Variants in LPCAT2 observed in about 807,000 individuals in gnomAD.
LPCAT2 encodes 1-AGP acyltransferase 11.
A neutral mutation model predicts 64.7 loss-of-function variants in LPCAT2; 58 were observed. The observed-to-expected ratio is 0.90, with a 90% CI of 0.73 to 1.12. The LOEUF is 1.12. LPCAT2 is among the 50% of genes most tolerant of loss of function. LPCAT2 has a pLI of 0.00. For synonymous variants in LPCAT2, 252 were observed against 245.3 expected, an observed-to-expected ratio of 1.03 and a Z score of -0.26; for missense variants, 579 against 669.8, an observed-to-expected ratio of 0.86 and a Z score of 1.50.
chr16:55,524,284 G>T (rs1963137963), intron 1 of LPCAT2, among the ~76,000 whole-genome samples: 1 of 151,842 alleles, frequency 6.6e-6, no homozygotes, highest in Non-Finnish European at 1.5e-5. Flanking sequence ...AAAAAACATA[G>T]TGGAATAAAA....
intron 11 of LPCAT2, among the ~76,000 whole-genome samples, chr16:55,557,456 G>C (rs1304629238): frequency 6.6e-6 from 1 of 152,132 alleles, no homozygotes; most frequent in Non-Finnish European, 1.5e-5. Context: ...ATTTAGCAGA[G>C]GGAAGTTTGA....
chr16:55,515,924 A>G (rs1395087576), intron 1 of LPCAT2, among the ~76,000 whole-genome samples: 1 of 152,240 alleles, frequency 6.6e-6, no homozygotes, highest in African/African-American at 2.4e-5. Flanking sequence ...GCAACAATGT[A>G]GACATAGAGA....
intron 4 of LPCAT2, among the ~76,000 whole-genome samples, chr16:55,530,499 G>T (rs866830805): frequency 1.3e-5 from 2 of 151,016 alleles, no homozygotes; most frequent in Non-Finnish European, 2.9e-5. Flanking sequence ...GGGTGGGGGG[G>T]GGGTAACATT....
intron 11 of LPCAT2, among the ~76,000 whole-genome samples, chr16:55,558,997 T>C (rs1963606337): frequency 6.6e-6 from 1 of 152,166 alleles, no homozygotes; most frequent in Non-Finnish European, 1.5e-5. Flanking sequence ...TATTGACTAA[T>C]CTGTCTAGCT....
chr16:55,570,510 C>A (rs543782367), intron 11 of LPCAT2, among the ~76,000 whole-genome samples: 47 of 152,216 alleles, frequency 3.1e-4, no homozygotes, highest in African/African-American at 1.1e-3. Context: ...TGGCGCACAC[C>A]TGTAGTCCCT....
At chr16:55,580,916 G>A (rs1963881700) in intron 13 of LPCAT2, among the ~76,000 whole-genome samples, 1 of 152,192 alleles carries the variant, frequency 6.6e-6, no homozygotes, top group Non-Finnish European at 1.5e-5. Flanking sequence ...ATGATCTGAG[G>A]TTGAACAGTT....
chr16:55,566,920 A>G, intron 11 of LPCAT2: 2 of 1,613,860 alleles, frequency 1.2e-6, no homozygotes, highest in South Asian at 2.2e-5. Context: ...GCAGCAGCTC[A>G]GTATACTCCA....
intron 7 of LPCAT2, among the ~76,000 whole-genome samples, chr16:55,535,514 G>A (rs934083137): frequency 2.0e-5 from 3 of 152,142 alleles, no homozygotes; most frequent in South Asian, 2.1e-4. Flanking sequence ...CACAAATAAC[G>A]CCAAACATAA....
rs1259153581 is a variant in LPCAT2, at chr16:55,585,043, A to T, written c.*1945A>T. 1.3e-5 allele frequency: 2 copies of T among 152,176 alleles called. No homozygotes were observed. The highest frequency in any genetic ancestry group is 4.8e-5 in the African/African-American group (2 of 41,454). 9.4% of individuals were successfully genotyped at this position (152,176 alleles called of 1,614,324 possible). On this transcript the variant is annotated 3_prime_UTR_variant, in exon 14 of 14. Coordinates refer to ENST00000262134, the MANE Select transcript of LPCAT2 (RefSeq NM_017839.5). ...CATTGTAAATTAAAGGTTTTCTTTG[A>T]GGCTCTTGAAAGTGATCCCATTGCT...
chr16:55,547,913 G>A (rs946115026), intron 9 of LPCAT2, among the ~76,000 whole-genome samples: 9 of 152,072 alleles, frequency 5.9e-5, no homozygotes, highest in South Asian at 2.1e-4. Flanking sequence ...GATTACAGGC[G>A]CCCACCATCA....
In LPCAT2 at chr16:55,523,199, G is replaced by A. The variant is rs1331113882; in HGVS notation, c.172-2309G>A. 3.3e-5 allele frequency among the ~76,000 whole-genome samples: 5 copies of A among 151,748 alleles called. No homozygotes were observed. The East Asian group carries it at 9.6e-4, about 29-fold the overall frequency. Reference sequence around the variant, plus strand: ...AATGACCAATAAGTATATGAAAAATGTGTTCAACATTATTGTTCATCAAGG... The same window carrying A: ...AATGACCAATAAGTATATGAAAAATATGTTCAACATTATTGTTCATCAAGG... On this transcript the variant is annotated intron_variant, in intron 1 of 13. Coordinates refer to ENST00000262134, the MANE Select transcript of LPCAT2 (RefSeq NM_017839.5).
chr16:55,528,697 A>G (rs1330025365), intron 3 of LPCAT2, 103 bp downstream of exon 3: 2 of 849,434 alleles, frequency 2.4e-6, no homozygotes, highest in Non-Finnish European at 1.8e-6. Context: ...AAAGTTTAAA[A>G]TAAACATTTC....
At chr16:55,527,046 A>G (rs1262040747) in intron 2 of LPCAT2, among the ~76,000 whole-genome samples, 2 of 152,126 alleles carry the variant, frequency 1.3e-5, no homozygotes, top group African/African-American at 4.8e-5. Flanking sequence ...ATATCATTAC[A>G]TGAGTAGAAA....
intron 3 of LPCAT2, among the ~76,000 whole-genome samples, chr16:55,529,402 C>T (rs1429737079): frequency 4.6e-5 from 7 of 151,708 alleles, no homozygotes; most frequent in Non-Finnish European, 7.4e-5. Context: ...GTTGATTTTT[C>T]GTGTGTTAGG....
intron 6 of LPCAT2, 120 bp from the exon 7 acceptor site, chr16:55,534,323 T>G (rs1963296232): frequency 3.0e-6 from 2 of 670,370 alleles, no homozygotes; most frequent in Admixed American, 2.3e-5. Context: ...TTATTTTACT[T>G]CTCAACATGT....
At chr16:55,572,586 T>C (rs1203341021) in intron 11 of LPCAT2, among the ~76,000 whole-genome samples, 2 of 149,678 alleles carry the variant, frequency 1.3e-5, no homozygotes, top group African/African-American at 4.9e-5. Flanking sequence ...TTTAATACTC[T>C]GCCTTCTCTG....
chr16:55,567,359 T>C (rs371057563), intron 11 of LPCAT2: 18 of 1,613,536 alleles, frequency 1.1e-5, no homozygotes, highest in Non-Finnish European at 1.5e-5. Flanking sequence ...CTAATGAAGA[T>C]GGAGATATGG....
chr16:55,568,333 G>A (rs145499113), intron 11 of LPCAT2, among the ~76,000 whole-genome samples: 87 of 152,286 alleles, frequency 5.7e-4, no homozygotes, highest in African/African-American at 2.0e-3. Context: ...AGCTCTTGTC[G>A]TGTCTTGTCC....
intron 8 of LPCAT2, among the ~76,000 whole-genome samples, chr16:55,543,824 G>C (rs1963423114): frequency 1.3e-5 from 2 of 152,206 alleles, no homozygotes; most frequent in South Asian, 4.1e-4. Context: ...ACTTTTCCAG[G>C]ATCACACGGC....
Sources: gnomAD v4.1 joint callset for allele counts (sites outside exome capture counted in the v4.1 genomes callset) on GRCh38, gnomAD v4.1.1 for gene constraint, MANE v1.5 for transcripts, NCBI Gene and HGNC (gene_info 2026-07-23, HGNC 2026-07-21) for gene names.